Variants in SHISA9 observed in about 807,000 individuals in gnomAD.
SHISA9 encodes shisa family member 9.
In SHISA9, 13 loss-of-function variants were observed where a neutral mutation model predicts 38.0. The ratio of observed to expected loss-of-function variants is 0.34; its 90% CI spans 0.22 to 0.54. The LOEUF (loss-of-function observed/expected upper bound fraction) is 0.54, where lower values mean the gene tolerates loss of function less well. Among genes scored for constraint, SHISA9 ranks in the 20% least tolerant of loss-of-function variants. The pLI is 0.91. For missense variants in SHISA9, 538 were observed against 575.8 expected (o/e 0.93, Z 0.67); for synonymous variants, 275 against 242.0 (o/e 1.14, Z -1.27).
At chr16:13,519,411 G>A in the SHISA9 span, among the ~76,000 whole-genome samples, 2 of 152,174 alleles carry the variant, frequency 1.3e-5, no homozygotes, top group African/African-American at 4.8e-5. Context: ...AACGGGTGAT[G>A]GGTAGATGGC....
chr16:12,945,066 A>T (rs779309194), intron 2 of SHISA9, among the ~76,000 whole-genome samples: 1 of 152,132 alleles, frequency 6.6e-6, no homozygotes, highest in Non-Finnish European at 1.5e-5. Flanking sequence ...CTAGCTCAAC[A>T]TTGCTTGAGG....
Position 12,974,751 on chromosome 16 carries a change from A to G in SHISA9, c.691+57936A>G, listed in dbSNP as rs976522401. Among the ~76,000 whole-genome samples, 10 of 151,928 alleles carry G rather than the reference A, an allele frequency of 6.6e-5. 1 individual carries two copies. Among genetic ancestry groups the G allele is most frequent in the African/African-American group, 2.4e-4 (10 of 41,392 alleles). On this transcript the variant is annotated intron_variant, in intron 2 of 4. Coordinates refer to ENST00000558583, the MANE Select transcript of SHISA9 (RefSeq NM_001145204.3). ...ACCTGCCTCGGCCTCCCATCTAGCA[A>G]GTGATTTCTAAGTCTATGTGAAATT...
intron 2 of SHISA9, among the ~76,000 whole-genome samples, chr16:12,935,166 GAA>G (rs765024626): frequency 3.9e-5 from 6 of 152,170 alleles, no homozygotes; most frequent in Non-Finnish European, 8.8e-5. Flanking sequence ...TGAGGAATAG[GAA>G]AGTCTCCACC....
At chr16:13,440,758 C>A in the SHISA9 span, among the ~76,000 whole-genome samples, 1 of 151,974 alleles carries the variant, frequency 6.6e-6, no homozygotes, top group Non-Finnish European at 1.5e-5. Context: ...CCCTTCTCTG[C>A]TAAAAATATA....
chr16:13,363,970 C>A, the SHISA9 span, among the ~76,000 whole-genome samples: 7 of 152,290 alleles, frequency 4.6e-5, no homozygotes, highest in Admixed American at 6.5e-5. Context: ...CAGAGCCCAG[C>A]AATCTGTATT....
intron 2 of SHISA9, among the ~76,000 whole-genome samples, chr16:13,050,621 C>T (rs2073240245): frequency 6.6e-6 from 1 of 152,164 alleles, no homozygotes; most frequent in South Asian, 2.1e-4. Flanking sequence ...CATGAGCCAC[C>T]ACGCCCAGCC....
chr16:12,924,293 T>A (rs12922377), intron 2 of SHISA9, among the ~76,000 whole-genome samples: 1 of 152,088 alleles, frequency 6.6e-6, no homozygotes, highest in Non-Finnish European at 1.5e-5. Flanking sequence ...TATTCATCCC[T>A]GTATTGCCAA....
chr16:13,249,907 AT>A, the SHISA9 span, among the ~76,000 whole-genome samples: 10 of 152,024 alleles, frequency 6.6e-5, no homozygotes, highest in Admixed American at 5.9e-4. Context: ...AAATTTTTAA[AT>A]TTTTTTGTAG....
the SHISA9 span, among the ~76,000 whole-genome samples, chr16:13,250,769 G>A: frequency 6.6e-6 from 1 of 152,150 alleles, no homozygotes; most frequent in Non-Finnish European, 1.5e-5. Context: ...TCTGTTGGCT[G>A]GAACCCATTC....
the SHISA9 span, among the ~76,000 whole-genome samples, chr16:13,535,278 T>A: frequency 1.3e-5 from 2 of 152,140 alleles, no homozygotes; most frequent in Non-Finnish European, 2.9e-5. Context: ...TGCTTCCAAC[T>A]CAACTCTCCA....
chr16:13,498,034 T>C, the SHISA9 span, among the ~76,000 whole-genome samples: 1 of 151,926 alleles, frequency 6.6e-6, no homozygotes. Flanking sequence ...TTTGACAATA[T>C]AGAATCTATT....
At chr16:13,269,841 T>C in the SHISA9 span, among the ~76,000 whole-genome samples, 1 of 152,120 alleles carries the variant, frequency 6.6e-6, no homozygotes, top group African/African-American at 2.4e-5. Context: ...ATCTTATAAA[T>C]AGGGGATCTG....
the SHISA9 span, among the ~76,000 whole-genome samples, chr16:13,520,603 C>CAAA: frequency 6.8e-3 from 384 of 56,096 alleles, 8 homozygotes; most frequent in African/African-American, 0.026. Flanking sequence ...AACTCTGTCT[C>CAAA]AAAAAAAAAA....
At chr16:13,229,117 G>T (rs1197737772) in intron 4 of SHISA9, among the ~76,000 whole-genome samples, 7 of 152,172 alleles carry the variant, frequency 4.6e-5, no homozygotes, top group Admixed American at 2.0e-4. Flanking sequence ...CTAAGACTGT[G>T]CCACCGCACT....
the SHISA9 span, among the ~76,000 whole-genome samples, chr16:13,276,266 A>ATATATATAT: frequency 1.3e-5 from 2 of 151,912 alleles, no homozygotes; most frequent in Admixed American, 6.6e-5. Context: ...ATTGCTGCAT[A>ATATATATAT]GTATTCCATC....
At chr16:12,970,494 T>TAC (rs2072064698) in intron 2 of SHISA9, among the ~76,000 whole-genome samples, 1 of 27,368 alleles carries the variant, frequency 3.7e-5, no homozygotes, top group African/African-American at 1.3e-4. Context: ...TATATATATA[T>TAC]ATATTTTTTT....
At chr16:13,103,228 A>C (rs1489365974) in intron 2 of SHISA9, among the ~76,000 whole-genome samples, 1 of 152,166 alleles carries the variant, frequency 6.6e-6, no homozygotes, top group African/African-American at 2.4e-5. Context: ...CTCTTCCGGA[A>C]CTTCACACCC....
the SHISA9 span, among the ~76,000 whole-genome samples, chr16:13,354,105 G>A: frequency 6.7e-6 from 1 of 149,526 alleles, no homozygotes; most frequent in African/African-American, 2.5e-5. Flanking sequence ...TCCTGGGTGG[G>A]GCAAATCCTC....
At chr16:13,531,262 C>G in the SHISA9 span, among the ~76,000 whole-genome samples, 1 of 152,072 alleles carries the variant, frequency 6.6e-6, no homozygotes, top group Admixed American at 6.5e-5. Context: ...AACCTGGGAC[C>G]CCAGTAAGGG....
Sources: gnomAD v4.1 joint callset for allele counts (sites outside exome capture counted in the v4.1 genomes callset) on GRCh38, gnomAD v4.1.1 for gene constraint, MANE v1.5 for transcripts, NCBI Gene and HGNC (gene_info 2026-07-23, HGNC 2026-07-21) for gene names.